The following PTPRF variants were observed in gnomAD, a reference collection of about 807,000 sequenced individuals.
PTPRF encodes the protein protein tyrosine phosphatase receptor type F, also known as receptor-type tyrosine-protein phosphatase F.
Under a neutral mutation model 201.8 loss-of-function variants are expected in PTPRF, and 59 were observed. That is an observed-to-expected ratio of 0.29 (90% CI 0.24 to 0.36). The LOEUF (loss-of-function observed/expected upper bound fraction) is 0.36. Among genes scored for constraint, PTPRF ranks in the 10% least tolerant of loss-of-function variants. The pLI is 1.00. For missense variants in PTPRF, 2,132 were observed against 2,690.5 expected, an observed-to-expected ratio of 0.79 and a Z score of 4.59; for synonymous variants, 1,088 against 1,089.7, an observed-to-expected ratio of 1.00 and a Z score of 0.03.
rs369493163 is a variant in PTPRF at position 43,591,219 on chromosome 1, G to C, written c.1197G>C (p.Pro399=). The C allele has an allele frequency of 1.2e-6, 2 of 1,602,158 alleles. No individual in the cohort carries two copies. The highest frequency in any genetic ancestry group is 1.7e-6 in the Non-Finnish European group (2 of 1,174,436). The change falls in exon 9 of 34, where the codon CCG becomes CCC. Residue 399 remains proline (P), a synonymous_variant. Coordinates refer to ENST00000359947, the MANE Select transcript of PTPRF (RefSeq NM_002840.5). The stretch of plus-strand genomic sequence containing the variant: ...CGGTGAACAGCATCGGGCGAGGGCC[G>C]CCCAGCGAGGCAGTGCGGGCACGCA... ...VLAVNSIGRG[P]PSEAVRARTG... is the part of the protein sequence containing the mutation.
At chr1:43,600,283 T>G (rs1246342298) in intron 13 of PTPRF, among the ~76,000 whole-genome samples, 2 of 152,016 alleles carry the variant, frequency 1.3e-5, no homozygotes, top group Admixed American at 6.5e-5. Flanking sequence ...GCCACAGCTG[T>G]GGCCAGTGGG....
rs1010176280 is a variant in PTPRF at position 43,569,476 on chromosome 1, G to C, written c.380-114G>C. ...CTTCATGCTTAGAAGTCAAGGAAAGGGGAGGGGAGTCTTGAGGGCCCTGGC... is the reference window on the plus strand; with the variant it reads ...CTTCATGCTTAGAAGTCAAGGAAAGCGGAGGGGAGTCTTGAGGGCCCTGGC... On this transcript the variant is annotated intron_variant, in intron 5 of 33. Coordinates refer to ENST00000359947, the MANE Select transcript of PTPRF (RefSeq NM_002840.5). 20 of 1,022,952 alleles carry C rather than the reference G, an allele frequency of 2.0e-5. No individual in the cohort carries two copies. The East Asian group carries it at 5.0e-4, about 25-fold the overall frequency. 63.4% of individuals were successfully genotyped at this position (1,022,952 alleles called of 1,614,324 possible).
chr1:43,548,623 T>G (rs746270472), intron 3 of PTPRF, among the ~76,000 whole-genome samples: 7 of 152,152 alleles, frequency 4.6e-5, no homozygotes, highest in Non-Finnish European at 8.8e-5. Flanking sequence ...TGGAACCTAG[T>G]ATGTATTCCC....
At chr1:43,587,695 C>T (rs1057256428) in intron 7 of PTPRF, among the ~76,000 whole-genome samples, 6 of 152,210 alleles carry the variant, frequency 3.9e-5, no homozygotes, top group African/African-American at 9.7e-5. Flanking sequence ...TGCTGCCTGC[C>T]GCCTTTGGCC....
rs185646738 is a variant in PTPRF at position 43,583,941 on chromosome 1, T to C, written c.680-4790T>C. On this transcript the variant is annotated intron_variant, in intron 7 of 33. Transcript: ENST00000359947. ...GCTTTGCATTCAGACTCAAGTTGCTTCTACCTGGAGTAACTGAACGGTCAG... is the reference window on the plus strand; with the variant it reads ...GCTTTGCATTCAGACTCAAGTTGCTCCTACCTGGAGTAACTGAACGGTCAG... Among the ~76,000 whole-genome samples, 263 of 152,288 alleles carry C rather than the reference T, an allele frequency of 1.7e-3. 6 individuals carry two copies. The highest frequency in any genetic ancestry group is 0.017 in the Admixed American group (261 of 15,304).
chr1:43,525,804 CAAAAAAAAA>C (rs1179056466), upstream of PTPRF, among the ~76,000 whole-genome samples: 4 of 35,566 alleles, frequency 1.1e-4, no homozygotes, highest in East Asian at 1.1e-3. Flanking sequence ...GACTCAGTCT[CAAAAAAAAA>C]AAAAAAAAAA....
intron 6 of PTPRF, among the ~76,000 whole-genome samples, chr1:43,573,578 T>C (rs1271531103): frequency 1.3e-5 from 2 of 152,236 alleles, no homozygotes; most frequent in Non-Finnish European, 2.9e-5. Context: ...CACCCCACTC[T>C]GCTCTGCCAT....
At position 43,542,410 on chromosome 1, in the gene PTPRF, G is replaced by GCT. The variant is rs1213580023; in HGVS notation, c.-45-2616_-45-2615dup. Among the ~76,000 whole-genome samples, 2 of 152,152 alleles carry GCT rather than the reference G, an allele frequency of 1.3e-5. No individual in the cohort carries two copies. Among genetic ancestry groups the GCT allele is most frequent in the Admixed American group, 6.5e-5 (1 of 15,282 alleles). Reference sequence around the variant, plus strand: ...TGTCCATCATGGACCACTGGAAGAAGCTCTCTGTTCTACTTTCTGGATCTG... The same window carrying GCT: ...TGTCCATCATGGACCACTGGAAGAAGCTCTCTCTGTTCTACTTTCTGGATCTG... On this transcript the variant is annotated intron_variant, in intron 2 of 33. Transcript: ENST00000359947. This position sits in a 1 kb window ranked among gnomAD's most constrained non-coding sequence, Gnocchi z 5.2.
At chr1:43,555,648 A>G (rs990682971) in intron 5 of PTPRF, among the ~76,000 whole-genome samples, 2 of 151,824 alleles carry the variant, frequency 1.3e-5, no homozygotes, top group African/African-American at 2.4e-5. Context: ...GTTTCACCAT[A>G]TTGAACAGGC....
intron 6 of PTPRF, among the ~76,000 whole-genome samples, chr1:43,576,752 C>G (rs976155459): frequency 6.6e-6 from 1 of 152,208 alleles, no homozygotes; most frequent in Admixed American, 6.5e-5. Flanking sequence ...TAGTGTCTGG[C>G]GCAGAGCAGA....
At chr1:43,570,028 T>C (rs1170844083) in intron 6 of PTPRF, among the ~76,000 whole-genome samples, 1 of 152,194 alleles carries the variant, frequency 6.6e-6, no homozygotes, top group Non-Finnish European at 1.5e-5. Flanking sequence ...CCAGCACATG[T>C]GATGTGCCAG....
chr1:43,570,890 G>A (rs1241546123), intron 6 of PTPRF, among the ~76,000 whole-genome samples: 1 of 152,210 alleles, frequency 6.6e-6, no homozygotes, highest in Non-Finnish European at 1.5e-5. Flanking sequence ...GGCCGGCAGT[G>A]TTTGTGGCCG....
intron 6 of PTPRF, 135 bp downstream of exon 6, chr1:43,569,913 T>TC (rs1391128384): frequency 1.2e-5 from 12 of 1,029,496 alleles, no homozygotes; most frequent in Non-Finnish European, 1.6e-5. Flanking sequence ...GTGGGCTGGG[T>TC]CTTACTGCAG....
chr1:43,610,381 A>G (rs953702142), intron 22 of PTPRF, among the ~76,000 whole-genome samples: 14 of 152,256 alleles, frequency 9.2e-5, no homozygotes, highest in African/African-American at 3.4e-4. Context: ...TAGTGGCTTA[A>G]AACAACAATA....
At chr1:43,577,075 C>T (rs1646976935) in intron 6 of PTPRF, among the ~76,000 whole-genome samples, 1 of 152,178 alleles carries the variant, frequency 6.6e-6, no homozygotes, top group South Asian at 2.1e-4. Flanking sequence ...CCCCTGACCA[C>T]TCTTAGGCTC....
intron 26 of PTPRF, 75 bp downstream of exon 26, chr1:43,618,824 C>A: frequency 1.3e-6 from 2 of 1,554,348 alleles, no homozygotes; most frequent in African/African-American, 1.4e-5. Context: ...TGTGCTGGGT[C>A]GGGGGGAAGC....
chr1:43,621,638 T>G (rs1241986084), intron 33 of PTPRF, among the ~76,000 whole-genome samples: 1 of 152,176 alleles, frequency 6.6e-6, no homozygotes, highest in Non-Finnish European at 1.5e-5. Context: ...TGTGCCTGGC[T>G]CTGGGCAAGG....
At chr1:43,607,550 A>G (rs1056731088) in intron 21 of PTPRF, among the ~76,000 whole-genome samples, 1 of 152,192 alleles carries the variant, frequency 6.6e-6, no homozygotes, top group Admixed American at 6.5e-5. Context: ...CTCCCTTCCT[A>G]TCCGTGCACC....
At chr1:43,598,451 C>T (rs994919622) in intron 12 of PTPRF, 7 of 509,904 alleles carry the variant, frequency 1.4e-5, no homozygotes, top group African/African-American at 7.7e-5. Flanking sequence ...CCTGGTGCCC[C>T]ACCTCCACCT....
Sources: gnomAD v4.1 joint callset for allele counts (sites outside exome capture counted in the v4.1 genomes callset) on GRCh38, gnomAD v4.1.1 for gene constraint, Gnocchi (gnomAD v3.1) non-coding constraint, MANE v1.5 for transcripts, NCBI Gene and HGNC (gene_info 2026-07-23, HGNC 2026-07-21) for gene names.